The following APC2 variants were observed in gnomAD, a reference collection of about 807,000 sequenced individuals.
APC2 encodes the protein adenomatous polyposis coli protein 2.
Under a neutral mutation model 72.5 loss-of-function variants are expected in APC2, and 41 were observed. The ratio of observed to expected loss-of-function variants is 0.57; its 90% CI spans 0.44 to 0.73. The LOEUF is 0.73. Ranked by LOEUF, APC2 falls within the 30% of genes least tolerant of loss-of-function variation. The probability of loss-of-function intolerance (pLI) is 0.00; values close to 1 mark genes in which losing one functional copy is unlikely to be tolerated. For missense variants in APC2, 3,729 were observed against 3,403.4 expected, an observed-to-expected ratio of 1.10 and a Z score of -2.38; for synonymous variants, 1,898 against 1,612.0, an observed-to-expected ratio of 1.18 and a Z score of -4.25.
rs1466667365 is a variant in APC2, at chr19:1,462,022, G to A, written c.1698G>A (p.Glu566=). 8 of 1,613,142 alleles carry A rather than the reference G, an allele frequency of 5.0e-6. No individual in the cohort carries two copies. In the Middle Eastern group the frequency reaches 5.0e-4, roughly 100 times the overall value. The change falls in exon 14 of 15, where the codon GAG becomes GAA. Residue 566 remains glutamate, a synonymous_variant. Transcript: ENST00000590469. ...ALWNLSAHST[E]NKAAICQVDG... Reference sequence around the variant, plus strand: ...GGAATCTGTCTGCACACAGCACAGAGAACAAGGCGGCCATCTGCCAGGTGG... The same window carrying A: ...GGAATCTGTCTGCACACAGCACAGAAAACAAGGCGGCCATCTGCCAGGTGG...
Position 1,467,189 on chromosome 19 carries a change from G to C in APC2, c.3888G>C (p.Leu1296=). 2 of 1,510,148 alleles carry C rather than the reference G, an allele frequency of 1.3e-6. No homozygotes were observed. The highest frequency in any genetic ancestry group is 1.8e-6 in the Non-Finnish European group (2 of 1,132,858). The allele number at this position is 1,510,148 out of a possible 1,614,324, so 93.5% of individuals were successfully genotyped here. A position where few individuals can be genotyped will look rare whatever the true frequency, so the allele number is the denominator to read the frequency against. The change falls in exon 15 of 15, where the codon CTG becomes CTC. Residue 1296 remains leucine, a synonymous_variant. Transcript: ENST00000590469. Reference sequence around the variant, plus strand: ...TGCAGCAGGACGTGGAGCTGCGGCTGCTGCCCTCGGCCTGCCCCGAGCGCG... The same window carrying C: ...TGCAGCAGGACGTGGAGCTGCGGCTCCTGCCCTCGGCCTGCCCCGAGCGCG... ...HYVQQDVELR[L]LPSACPERGG...
chr19:1,462,256 C>T (rs960877083), intron 14 of APC2, 79 bp downstream of exon 14: 115 of 1,336,920 alleles, frequency 8.6e-5, no homozygotes, highest in Non-Finnish European at 1.1e-4. Context: ...ACTGTCCTCC[C>T]GTGAATGCAT....
rs759846069 is a variant in APC2, at chr19:1,460,797, C to G, written c.1461C>G (p.Arg487=). ...DVANKATLCA[R]RGCMEAIVAQ... Reference sequence around the variant, plus strand: ...CCCAACAGGCCACCCTGTGTGCGCGCCGCGGCTGCATGGAGGCCATCGTGG... The same window carrying G: ...CCCAACAGGCCACCCTGTGTGCGCGGCGCGGCTGCATGGAGGCCATCGTGG... The change falls in exon 12 of 15, where the codon CGC becomes CGG. Residue 487 remains arginine, a synonymous_variant. Coordinates refer to ENST00000590469, the MANE Select transcript of APC2 (RefSeq NM_005883.3). The G allele has an allele frequency of 6.2e-7, 1 of 1,613,134 alleles. No homozygotes were observed. Among genetic ancestry groups the G allele is most frequent in the South Asian group, 1.1e-5 (1 of 91,070 alleles).
chr19:1,446,354 G>T, upstream of APC2: 1 of 985,358 alleles, frequency 1.0e-6, no homozygotes, highest in Non-Finnish European at 1.2e-6. The surrounding 1 kb of genome is among the most constrained non-coding windows in gnomAD (Gnocchi z 6.1). Context: ...AGGGCGCGTG[G>T]GTCGAGCCGT....
chr19:1,463,476 G>A (rs1056548410), intron 14 of APC2, among the ~76,000 whole-genome samples: 3 of 151,156 alleles, frequency 2.0e-5, no homozygotes, highest in Non-Finnish European at 4.4e-5. Flanking sequence ...CCAGCTACTC[G>A]GGAGGCTGAG....
chr19:1,470,537 C>T lies in APC2; in HGVS notation c.*324C>T, dbSNP rs1390082906. ...TCGGAAGCCGTTGCTTGACCCCGGG[C>T]GAGGGAGGCGGTAGCCTCCGGGTCC... On this transcript the variant is annotated 3_prime_UTR_variant, in exon 15 of 15. Coordinates refer to ENST00000590469, the MANE Select transcript of APC2 (RefSeq NM_005883.3). 1.1e-5 allele frequency: 3 copies of T among 267,720 alleles called. No homozygotes were observed. Among genetic ancestry groups the T allele is most frequent in the Non-Finnish European group, 2.1e-5 (3 of 141,672 alleles). 16.6% of individuals were successfully genotyped at this position (267,720 alleles called of 1,614,324 possible). A position where few individuals can be genotyped will look rare whatever the true frequency, so the allele number is the denominator to read the frequency against.
rs1341607645 is a variant in APC2, at chr19:1,469,863, G to A, written c.6562G>A (p.Asp2188Asn). ...CGGGCCCCCGCCGCGCAAGACCAGC[G>A]ACGCCGTGGTCCAGACCGAGGAGGT... ...PAGPPPRKTS[D>N]AVVQTEEVAA... Residue 2188 changes from aspartate (D) to asparagine (N), a missense_variant, in exon 15 of 15, where the codon GAC (aspartate) becomes AAC (asparagine). Coordinates refer to ENST00000590469, the MANE Select transcript of APC2 (RefSeq NM_005883.3). The A allele has an allele frequency of 4.6e-6, 7 of 1,520,764 alleles. No homozygotes were observed. The highest frequency in any genetic ancestry group is 2.4e-5 in the South Asian group (2 of 83,130). 94.2% of individuals were successfully genotyped at this position (1,520,764 alleles called of 1,614,324 possible).
At chr19:1,457,805 C>T in intron 9 of APC2, 160 bp from the exon 10 acceptor site, 1 of 657,672 alleles carries the variant, frequency 1.5e-6, no homozygotes, top group South Asian at 1.8e-5. Flanking sequence ...ACCCCATCAT[C>T]CCATCTTAGA....
Position 1,453,634 on chromosome 19 carries a change from C to T in APC2, c.413+23C>T, listed in dbSNP as rs1166556052. ...ACGGTGAGTGGGCGTGGGAACCCAGCCTCGGGCAGCTGGAGCATGACTCGG... is the reference window on the plus strand; with the variant it reads ...ACGGTGAGTGGGCGTGGGAACCCAGTCTCGGGCAGCTGGAGCATGACTCGG... On this transcript the variant is annotated intron_variant, in intron 4 of 14. Transcript: ENST00000590469. The T allele has an allele frequency of 2.5e-6, 4 of 1,575,332 alleles. No homozygotes were observed. In the South Asian group the frequency reaches 4.6e-5, roughly 18 times the overall value.
Position 1,466,556 on chromosome 19 carries a change from C to A in APC2, c.3255C>A (p.Ser1085Arg), listed in dbSNP as rs772202544. 1.3e-6 allele frequency: 2 copies of A among 1,581,720 alleles called. No homozygotes were observed. The highest frequency in any genetic ancestry group is 1.7e-5 in the Admixed American group (1 of 57,650). ...SLSSAGRPGPSEGGDLDDSDS... is the reference protein window; with the variant it reads ...SLSSAGRPGPREGGDLDDSDS... ...CCTCGGCCGGCCGCCCAGGCCCCAG[C>A]GAGGGTGGTGACCTGGATGACAGTG... is the stretch of plus-strand genomic sequence containing the variant. The change falls in exon 15 of 15, where the codon AGC becomes AGA. Residue 1085 changes from serine to arginine, a missense_variant. By Grantham distance (110) the Ser-to-Arg change is moderately radical. Transcript: ENST00000590469.
chr19:1,446,387 A>T, upstream of APC2: 6 of 983,712 alleles, frequency 6.1e-6, no homozygotes, highest in Non-Finnish European at 7.2e-6. This position sits in a 1 kb window ranked among gnomAD's most constrained non-coding sequence, Gnocchi z 6.1. Context: ...CGGGCCGCGC[A>T]GGAACGGGGC....
At position 1,466,304 on chromosome 19, in the gene APC2, C is replaced by T. The variant is rs771763880; in HGVS notation, c.3003C>T (p.His1001=). The T allele has an allele frequency of 9.1e-6, 14 of 1,539,478 alleles. No homozygotes were observed. Among genetic ancestry groups the T allele is most frequent in the Non-Finnish European group, 1.1e-5 (13 of 1,147,120 alleles). ...TCAAGCTGTCGCCTACCTATCAGCACGTGCCACTGCTTGAGGGTGCCTCAA... is the reference window on the plus strand; with the variant it reads ...TCAAGCTGTCGCCTACCTATCAGCATGTGCCACTGCTTGAGGGTGCCTCAA... ...RTIKLSPTYQ[H]VPLLEGASRA... The change falls in exon 15 of 15, where the codon CAC becomes CAT. Residue 1001 remains histidine, a synonymous_variant. Coordinates refer to ENST00000590469, the MANE Select transcript of APC2 (RefSeq NM_005883.3).
intron 13 of APC2, 99 bp from the exon 14 acceptor site, chr19:1,461,862 AAC>A (rs1491280575): frequency 9.7e-7 from 1 of 1,032,270 alleles, no homozygotes; most frequent in Non-Finnish European, 1.4e-6. Flanking sequence ...AAAAAAAAAA[AAC>A]AAAAAACAAA....
rs771753228 is a variant in APC2 at position 1,468,977 on chromosome 19, G to A, written c.5676G>A (p.Pro1892=). 1.2e-5 allele frequency: 18 copies of A among 1,558,002 alleles called. No individual in the cohort carries two copies. The highest frequency in any genetic ancestry group is 3.7e-5 in the Admixed American group (2 of 54,666). The change falls in exon 15 of 15, where the codon CCG becomes CCA. Residue 1892 remains proline, a synonymous_variant. Coordinates refer to ENST00000590469, the MANE Select transcript of APC2 (RefSeq NM_005883.3). ...AGCCCCTGCCCAGAAAGCGCCCCCC[G>A]GTCACCCAGGCTGCTGGGGCCCTGC... is the stretch of plus-strand genomic sequence containing the variant. ...ASQPLPRKRP[P]VTQAAGALPG... is the part of the protein sequence containing the mutation.
Position 1,470,803 on chromosome 19 carries a change from C to T in APC2, c.*590C>T. 6.6e-6 allele frequency: 1 copy of T among 152,480 alleles called. No individual in the cohort carries two copies. The highest frequency in any genetic ancestry group is 1.5e-5 in the Non-Finnish European group (1 of 68,162). 9.4% of individuals were successfully genotyped at this position (152,480 alleles called of 1,614,324 possible). On this transcript the variant is annotated 3_prime_UTR_variant, in exon 15 of 15. Coordinates refer to ENST00000590469, the MANE Select transcript of APC2 (RefSeq NM_005883.3). ...TGTGGGAGTGCGGGTGGGGGTGTGGCCGAGCCCCGGCAGGAAGCCCCGCCC... is the reference window on the plus strand; with the variant it reads ...TGTGGGAGTGCGGGTGGGGGTGTGGTCGAGCCCCGGCAGGAAGCCCCGCCC...
chr19:1,463,710 AC>A (rs2083962588), intron 14 of APC2, among the ~76,000 whole-genome samples: 1 of 152,142 alleles, frequency 6.6e-6, no homozygotes. Context: ...TGATCACGCT[AC>A]TGCACTCCAG....
chr19:1,452,889 G>A lies in APC2; in HGVS notation c.-18-95G>A. On this transcript the variant is annotated intron_variant, in intron 1 of 14. Coordinates refer to ENST00000590469, the MANE Select transcript of APC2 (RefSeq NM_005883.3). The surrounding 1 kb of genome is among the most constrained non-coding windows in gnomAD (Gnocchi z 5.1). ...CCCCCCCCAACCCAGGATCAGGCAG[G>A]ACGGCTGGGGCTTAGGTCAGGGGCC... is the stretch of plus-strand genomic sequence containing the variant. 7.0e-7 allele frequency: 1 copy of A among 1,430,432 alleles called. No homozygotes were observed. Among genetic ancestry groups the A allele is most frequent in the Non-Finnish European group, 9.4e-7 (1 of 1,067,554 alleles). The allele number at this position is 1,430,432 out of a possible 1,614,324, so 88.6% of individuals were successfully genotyped here.
intron 10 of APC2, among the ~76,000 whole-genome samples, chr19:1,458,979 C>T (rs371767109): frequency 2.5e-4 from 38 of 152,202 alleles, no homozygotes; most frequent in South Asian, 1.2e-3. Context: ...CCACCACGCC[C>T]GGCCACTTTA....
At chr19:1,446,391 A>G (rs887635384), upstream of APC2, 13 of 980,648 alleles carry the variant, frequency 1.3e-5, no homozygotes, top group Non-Finnish European at 1.5e-5. The surrounding 1 kb of genome is among the most constrained non-coding windows in gnomAD (Gnocchi z 6.1). Context: ...CCGCGCAGGA[A>G]CGGGGCGGGG....
Sources: gnomAD v4.1 joint callset for allele counts (sites outside exome capture counted in the v4.1 genomes callset) on GRCh38, gnomAD v4.1.1 for gene constraint, Gnocchi (gnomAD v3.1) non-coding constraint, MANE v1.5 for transcripts, NCBI Gene and HGNC (gene_info 2026-07-23, HGNC 2026-07-21) for gene names.